Variants in ZNF729 observed in about 807,000 individuals in gnomAD.
The protein encoded by ZNF729 is zinc finger protein 729.
In ZNF729, 15 loss-of-function variants were observed where a neutral mutation model predicts 12.2. The ratio of observed to expected loss-of-function variants is 1.23; its 90% CI spans 0.82 to 1.89. ZNF729 has a LOEUF of 1.89. Among genes scored for constraint, ZNF729 ranks in the 40% most tolerant of loss-of-function variants. ZNF729 has a pLI of 0.00. For synonymous variants in ZNF729, 492 were observed against 476.3 expected (o/e 1.03, Z -0.43); for missense variants, 1,540 against 1,456.7 (o/e 1.06, Z -0.93).
chr19:22,298,017 A>C (rs184717194), intron 1 of ZNF729, among the ~76,000 whole-genome samples: 2,595 of 150,198 alleles, frequency 0.017, 46 homozygotes, highest in Middle Eastern at 0.031. Flanking sequence ...AAAAAAAAAA[A>C]AAAAAAAAAA....
intron 1 of ZNF729, among the ~76,000 whole-genome samples, chr19:22,293,108 T>C (rs1019263739): frequency 5.3e-5 from 8 of 152,210 alleles, no homozygotes; most frequent in African/African-American, 1.9e-4. Context: ...ATTTCTCTAG[T>C]GATGAGTATT....
chr19:22,317,104 C>T lies in ZNF729; in HGVS notation c.3687C>T (p.His1229=), dbSNP rs761286225. 6 of 1,601,004 alleles carry T rather than the reference C, an allele frequency of 3.7e-6. No individual in the cohort carries two copies. In the East Asian group the frequency reaches 6.7e-5, roughly 18 times the overall value. The change falls in exon 4 of 4, where the codon CAC becomes CAT. Residue 1229 remains histidine (H), a synonymous_variant. Coordinates refer to ENST00000601693, the MANE Select transcript of ZNF729 (RefSeq NM_001242680.2). Reference sequence around the variant, plus strand: ...TACCAAAGCTTTTAAGCAATCCTCACACCTTACTAGACAAAACAATTCATA... The same window carrying T: ...TACCAAAGCTTTTAAGCAATCCTCATACCTTACTAGACAAAACAATTCATA... The part of the protein sequence containing the change: ...KKVPKLLSNP[H]TLLDKTIHTG...
chr19:22,308,484 T>G (rs947650261), intron 3 of ZNF729, among the ~76,000 whole-genome samples: 1 of 152,272 alleles, frequency 6.6e-6, no homozygotes, highest in African/African-American at 2.4e-5. Context: ...TACATTTCCA[T>G]CAGCAGTGTA....
intron 3 of ZNF729, among the ~76,000 whole-genome samples, chr19:22,313,314 A>G (rs1232828305): frequency 2.6e-5 from 4 of 152,160 alleles, no homozygotes; most frequent in African/African-American, 9.7e-5. Flanking sequence ...GGCCTCCAAA[A>G]GTGCTGGGAT....
chr19:22,310,272 G>A (rs897869221), intron 3 of ZNF729, among the ~76,000 whole-genome samples: 1 of 151,920 alleles, frequency 6.6e-6, no homozygotes, highest in Non-Finnish European at 1.5e-5. Flanking sequence ...GGGCATCCTT[G>A]TCTTGTTGCA....
chr19:22,301,641 C>T (rs78617704), intron 1 of ZNF729, among the ~76,000 whole-genome samples: 2 of 152,264 alleles, frequency 1.3e-5, no homozygotes, highest in African/African-American at 4.8e-5. Flanking sequence ...TTCTTTGAGA[C>T]TGTGGCTCTG....
At chr19:22,307,760 A>AT (rs1162397558) in intron 3 of ZNF729, among the ~76,000 whole-genome samples, 2 of 70,372 alleles carry the variant, frequency 2.8e-5, no homozygotes, top group African/African-American at 5.0e-5. Context: ...AAAAAAGCAT[A>AT]TTTTTTTCTT....
intron 1 of ZNF729, among the ~76,000 whole-genome samples, chr19:22,300,374 A>G (rs1968288764): frequency 6.6e-6 from 1 of 152,192 alleles, no homozygotes; most frequent in South Asian, 2.1e-4. Context: ...TTAATTGTGT[A>G]ATAAAACAGT....
intron 1 of ZNF729, among the ~76,000 whole-genome samples, chr19:22,296,590 T>G (rs1483487941): frequency 1.3e-5 from 2 of 152,164 alleles, no homozygotes; most frequent in African/African-American, 4.8e-5. Flanking sequence ...TTGTATAGTT[T>G]TTCATATCTA....
chr19:22,304,444 G>A (rs1968354147), intron 2 of ZNF729, among the ~76,000 whole-genome samples: 1 of 152,112 alleles, frequency 6.6e-6, no homozygotes, highest in Non-Finnish European at 1.5e-5. Flanking sequence ...AAATTGAGTG[G>A]CATAAAATAC....
chr19:22,304,778 C>T lies in ZNF729; in HGVS notation c.248C>T (p.Pro83Leu). 1 of 1,611,656 alleles carries T rather than the reference C, an allele frequency of 6.2e-7. No individual in the cohort carries two copies. Among genetic ancestry groups the T allele is most frequent in the South Asian group, 1.1e-5 (1 of 90,714 alleles). ...AAGAGACATGAGATGGTAACTAAAC[C>T]CCCAGGTATGTGAGAGTGAATACAA... is the stretch of plus-strand genomic sequence containing the variant. Reference protein sequence around the residue: ...NMKRHEMVTKPPVMRSHFTQD... With the variant: ...NMKRHEMVTKLPVMRSHFTQD... The change falls in exon 3 of 4, where the codon CCC becomes CTC. Residue 83 changes from proline to leucine, a missense_variant. Pro to Leu is a moderately conservative substitution (Grantham distance 98, BLOSUM62 -3). Transcript: ENST00000601693.
chr19:22,294,443 A>C (rs1490817066), intron 1 of ZNF729, among the ~76,000 whole-genome samples: 3 of 151,922 alleles, frequency 2.0e-5, no homozygotes, highest in Non-Finnish European at 2.9e-5. Flanking sequence ...TGCCTTGGCT[A>C]CTCGGGCTCT....
At position 22,286,488 on chromosome 19, in the gene ZNF729, G is replaced by A; in HGVS notation, c.-38G>A. 1 of 1,612,458 alleles carries A rather than the reference G, an allele frequency of 6.2e-7. No individual in the cohort carries two copies. Among genetic ancestry groups the A allele is most frequent in the Non-Finnish European group, 8.5e-7 (1 of 1,179,834 alleles). ...CTGCTGTGTGTCCTCAGCCTCTGTG[G>A]CCCTGTAACCTGCGGCATTGGAAGA... On this transcript the variant is annotated 5_prime_UTR_variant, in exon 1 of 4. Coordinates refer to ENST00000601693, the MANE Select transcript of ZNF729 (RefSeq NM_001242680.2).
At chr19:22,297,204 A>T (rs547174537) in intron 1 of ZNF729, among the ~76,000 whole-genome samples, 2 of 152,140 alleles carry the variant, frequency 1.3e-5, no homozygotes, top group Admixed American at 6.5e-5. Context: ...ATTGTGTCAG[A>T]ATCTACATCT....
intron 1 of ZNF729, among the ~76,000 whole-genome samples, chr19:22,288,198 C>G (rs1158025927): frequency 6.6e-6 from 1 of 151,856 alleles, no homozygotes; most frequent in Non-Finnish European, 1.5e-5. Flanking sequence ...TATTTTTTAA[C>G]AAAGCATTGG....
intron 1 of ZNF729, among the ~76,000 whole-genome samples, chr19:22,296,254 T>C (rs1315092724): frequency 6.6e-6 from 1 of 152,196 alleles, no homozygotes; most frequent in Non-Finnish European, 1.5e-5. Context: ...TGTCTAATCC[T>C]GGGCTTTATT....
At chr19:22,310,059 A>G (rs1162914076) in intron 3 of ZNF729, among the ~76,000 whole-genome samples, 1 of 151,988 alleles carries the variant, frequency 6.6e-6, no homozygotes, top group African/African-American at 2.4e-5. Context: ...GTATACATTA[A>G]TTTTGTATCT....
intron 3 of ZNF729, among the ~76,000 whole-genome samples, chr19:22,312,440 T>TTGTGTGTATG (rs756607431): frequency 6.9e-6 from 1 of 144,552 alleles, no homozygotes; most frequent in African/African-American, 2.6e-5. Context: ...TTGTCTGAAA[T>TTGTGTGTATG]TGTGTGTGTG....
chr19:22,302,874 C>T (rs775486622), intron 1 of ZNF729, among the ~76,000 whole-genome samples: 1 of 140,172 alleles, frequency 7.1e-6, no homozygotes, highest in Non-Finnish European at 1.6e-5. Flanking sequence ...ACTGCAACCT[C>T]CACCTCCTGA....
Sources: gnomAD v4.1 joint callset for allele counts (sites outside exome capture counted in the v4.1 genomes callset) on GRCh38, gnomAD v4.1.1 for gene constraint, MANE v1.5 for transcripts, NCBI Gene and HGNC (gene_info 2026-07-23, HGNC 2026-07-21) for gene names.